NKAIN2: variants seen among roughly 807,000 people sequenced by gnomAD.
NKAIN2 encodes the protein sodium/potassium-transporting ATPase subunit beta-1-interacting protein 2.
A neutral mutation model predicts 32.6 loss-of-function variants in NKAIN2; 14 were observed. The ratio of observed to expected loss-of-function variants is 0.43; its 90% CI spans 0.28 to 0.67. The LOEUF (loss-of-function observed/expected upper bound fraction) is 0.67. NKAIN2 is among the 30% of genes least tolerant of loss of function. The probability of loss-of-function intolerance (pLI) is 0.17; values close to 1 mark genes in which losing one functional copy is unlikely to be tolerated. For synonymous variants in NKAIN2, 80 were observed against 87.2 expected, an observed-to-expected ratio of 0.92 and a Z score of 0.46; for missense variants, 198 against 258.3, an observed-to-expected ratio of 0.77 and a Z score of 1.60.
chr6:124,294,168 G>T (rs1264471475), intron 2 of NKAIN2, among the ~76,000 whole-genome samples: 3 of 152,108 alleles, frequency 2.0e-5, no homozygotes, highest in Admixed American at 6.6e-5. Flanking sequence ...GTCATAAATG[G>T]CGGAGAAGTA....
chr6:124,696,282 G>T (rs181242711), intron 4 of NKAIN2, among the ~76,000 whole-genome samples: 2 of 152,256 alleles, frequency 1.3e-5, no homozygotes, highest in Admixed American at 1.3e-4. Context: ...GAGACAGGAG[G>T]AAAGGAGAAG....
chr6:123,979,428 T>C (rs918148836), intron 1 of NKAIN2, among the ~76,000 whole-genome samples: 3 of 152,176 alleles, frequency 2.0e-5, no homozygotes, highest in African/African-American at 7.2e-5. Context: ...GGACTGGTTC[T>C]AAGAGTTCTT....
At chr6:124,167,215 C>T (rs1169916273) in intron 1 of NKAIN2, among the ~76,000 whole-genome samples, 1 of 149,754 alleles carries the variant, frequency 6.7e-6, no homozygotes, top group African/African-American at 2.5e-5. Context: ...TTGTAGTTCT[C>T]CTTGAAGAGG....
At chr6:124,806,875 A>T (rs1780592842) in intron 5 of NKAIN2, among the ~76,000 whole-genome samples, 1 of 152,162 alleles carries the variant, frequency 6.6e-6, no homozygotes, top group Non-Finnish European at 1.5e-5. Flanking sequence ...GCCAACAAAG[A>T]TCAAAAGAGA....
intron 3 of NKAIN2, among the ~76,000 whole-genome samples, chr6:124,653,444 C>CAAAA (rs35842873): frequency 3.4e-4 from 27 of 79,654 alleles, no homozygotes; most frequent in African/African-American, 3.6e-4. Flanking sequence ...CATCCACATG[C>CAAAA]AAAAAAAAAA....
intron 1 of NKAIN2, among the ~76,000 whole-genome samples, chr6:123,984,069 G>A (rs1266323726): frequency 5.3e-5 from 8 of 151,884 alleles, no homozygotes; most frequent in Non-Finnish European, 7.4e-5. Flanking sequence ...CACCACACCC[G>A]GCTAATTTTG....
In NKAIN2 at chr6:123,826,689, G is replaced by A. The variant is rs531024190; in HGVS notation, c.54+22435G>A. Among the ~76,000 whole-genome samples the A allele has an allele frequency of 9.0e-4, 137 of 152,186 alleles. 1 individual carries two copies. Among genetic ancestry groups the A allele is most frequent in the African/African-American group, 3.1e-3 (129 of 41,544 alleles). On this transcript the variant is annotated intron_variant, in intron 1 of 6. Coordinates refer to ENST00000368417, the MANE Select transcript of NKAIN2 (RefSeq NM_001040214.3). ...CATCCATTTTGTAGCCTTCTTCAGAGTTCCATTTCTTTTTAAGACTGAATA... is the reference window on the plus strand; with the variant it reads ...CATCCATTTTGTAGCCTTCTTCAGAATTCCATTTCTTTTTAAGACTGAATA...
At chr6:124,563,518 C>T (rs1459093742) in intron 3 of NKAIN2, among the ~76,000 whole-genome samples, 1 of 152,192 alleles carries the variant, frequency 6.6e-6, no homozygotes, top group Non-Finnish European at 1.5e-5. Context: ...CTTTCCAGGA[C>T]AACCCTGCTA....
At chr6:124,439,916 ATTTCTATGCAGGAAAT>A (rs1775620097) in intron 3 of NKAIN2, among the ~76,000 whole-genome samples, 1 of 151,892 alleles carries the variant, frequency 6.6e-6, no homozygotes, top group South Asian at 2.1e-4. Context: ...TGCTCTGAAG[ATTTCTATGCAGGAAAT>A]TTACTGGAGC....
At chr6:124,515,631 A>G (rs1778878866) in intron 3 of NKAIN2, among the ~76,000 whole-genome samples, 1 of 152,054 alleles carries the variant, frequency 6.6e-6, no homozygotes, top group Non-Finnish European at 1.5e-5. Context: ...CTACAACATT[A>G]GGGATCAGAT....
chr6:123,817,479 A>G (rs1773742244), intron 1 of NKAIN2, among the ~76,000 whole-genome samples: 1 of 152,132 alleles, frequency 6.6e-6, no homozygotes, highest in Admixed American at 6.5e-5. Flanking sequence ...AAAGAGTTTG[A>G]ATTGTCCAGA....
At chr6:124,595,422 T>G (rs1782048746) in intron 3 of NKAIN2, among the ~76,000 whole-genome samples, 1 of 152,174 alleles carries the variant, frequency 6.6e-6, no homozygotes, top group Non-Finnish European at 1.5e-5. Context: ...ACCTGACTTC[T>G]GATGCACCTG....
chr6:123,994,200 ATT>A (rs11440144), intron 1 of NKAIN2, among the ~76,000 whole-genome samples: 14 of 144,108 alleles, frequency 9.7e-5, no homozygotes, highest in Non-Finnish European at 1.1e-4. Context: ...AGAAACTAGG[ATT>A]TTTTTTTTTT....
At chr6:123,931,172 T>G (rs377473973) in intron 1 of NKAIN2, among the ~76,000 whole-genome samples, 6 of 152,088 alleles carry the variant, frequency 3.9e-5, no homozygotes, top group Admixed American at 2.0e-4. Context: ...CTTTCTGGCC[T>G]GAGTTCCCTC....
intron 1 of NKAIN2, among the ~76,000 whole-genome samples, chr6:124,183,464 C>T (rs1424188907): frequency 2.0e-5 from 3 of 151,966 alleles, no homozygotes; most frequent in African/African-American, 7.2e-5. Flanking sequence ...ATGTTAATTA[C>T]ATTTGAAAAC....
intron 1 of NKAIN2, among the ~76,000 whole-genome samples, chr6:124,058,857 G>A (rs930552986): frequency 6.6e-6 from 1 of 152,028 alleles, no homozygotes; most frequent in African/African-American, 2.4e-5. Flanking sequence ...TCTTGCTACC[G>A]TGGCGAAGTT....
In NKAIN2 at chr6:123,976,332, TATATATATATGTTCCC is replaced by T. The variant is rs757189301; in HGVS notation, c.54+172089_54+172104del. Among the ~76,000 whole-genome samples the T allele has an allele frequency of 5.0e-3, 173 of 34,436 alleles. 12 individuals are homozygous for T. Among genetic ancestry groups the T allele is most frequent in the Middle Eastern group, 0.017 (1 of 60 alleles). 22.6% of individuals were successfully genotyped at this position (34,436 alleles called of 152,430 possible). A position where few individuals can be genotyped will look rare whatever the true frequency, so the allele number is the denominator to read the frequency against. ...GTTTCCATATATATATATGTTCCCA[TATATATATATGTTCCC>T]ATATATATATATATATATATTCCCA... On this transcript the variant is annotated intron_variant, in intron 1 of 6. Coordinates refer to ENST00000368417, the MANE Select transcript of NKAIN2 (RefSeq NM_001040214.3).
chr6:124,176,202 CAG>C (rs1350869905), intron 1 of NKAIN2, among the ~76,000 whole-genome samples: 1 of 152,118 alleles, frequency 6.6e-6, no homozygotes, highest in Non-Finnish European at 1.5e-5. Flanking sequence ...AAGATGCTGA[CAG>C]AGACACAAAG....
At chr6:124,640,672 G>A (rs1001517288) in intron 3 of NKAIN2, among the ~76,000 whole-genome samples, 10 of 152,176 alleles carry the variant, frequency 6.6e-5, no homozygotes, top group African/African-American at 1.2e-4. Context: ...TAGTAAAGGC[G>A]TGAAAGAGAG....
Sources: gnomAD v4.1 joint callset for allele counts (sites outside exome capture counted in the v4.1 genomes callset) on GRCh38, gnomAD v4.1.1 for gene constraint, MANE v1.5 for transcripts, NCBI Gene and HGNC (gene_info 2026-07-23, HGNC 2026-07-21) for gene names.